GALNT18: variants seen among roughly 807,000 people sequenced by gnomAD.
GALNT18 encodes GalNAc-transferase 18.
A neutral mutation model predicts 69.5 loss-of-function variants in GALNT18; 44 were observed. The ratio of observed to expected loss-of-function variants is 0.63; its 90% confidence interval spans 0.50 to 0.81. The LOEUF is 0.81. Ranked by LOEUF, GALNT18 falls within the 40% of genes least tolerant of loss-of-function variation. The probability of loss-of-function intolerance (pLI) is 0.00; values close to 1 mark genes in which losing one functional copy is unlikely to be tolerated. For missense variants in GALNT18, 715 were observed against 810.0 expected (o/e 0.88, Z 1.42); for synonymous variants, 364 against 318.2 (o/e 1.14, Z -1.53).
chr11:11,588,023 C>T (rs771628344), intron 1 of GALNT18, among the ~76,000 whole-genome samples: 2 of 152,082 alleles, frequency 1.3e-5, no homozygotes, highest in Non-Finnish European at 2.9e-5. Flanking sequence ...AGGCTCCTAA[C>T]CCTTTCCCCA....
At chr11:11,455,226 T>G (rs1225319254) in intron 1 of GALNT18, among the ~76,000 whole-genome samples, 1 of 152,216 alleles carries the variant, frequency 6.6e-6, no homozygotes, top group Non-Finnish European at 1.5e-5. Context: ...GCTTGGGTAT[T>G]GAAATATTAA....
At position 11,538,067 on chromosome 11, in the gene GALNT18, T is replaced by C. The variant is rs1784751384; in HGVS notation, c.235+83292A>G. 6.6e-6 allele frequency among the ~76,000 whole-genome samples: 1 copy of C among 152,228 alleles called. No homozygotes were observed. Among genetic ancestry groups the C allele is most frequent in the South Asian group, 2.1e-4 (1 of 4,828 alleles). On this transcript the variant is annotated intron_variant, in intron 1 of 10. Transcript: ENST00000227756. The surrounding 1 kb of genome is among the most constrained non-coding windows in gnomAD (Gnocchi z 5.2). ...ACTGCTGAGTGTTTTACTAATCTTATTTATGTTAACTCTTATCACACCTCT... is the reference window on the plus strand; with the variant it reads ...ACTGCTGAGTGTTTTACTAATCTTACTTATGTTAACTCTTATCACACCTCT...
At chr11:11,302,872 G>A (rs886831450) in intron 9 of GALNT18, among the ~76,000 whole-genome samples, 6 of 152,178 alleles carry the variant, frequency 3.9e-5, no homozygotes, top group Admixed American at 6.5e-5. Flanking sequence ...AACACACCTG[G>A]CCCATCAGCA....
In GALNT18 at chr11:11,582,781, T is replaced by G. The variant is rs775337552; in HGVS notation, c.235+38578A>C. ...TTATTCTTCCTACAATTAATAATCA[T>G]TACAGGGCTTTAGGAAGTAAGCATT... On this transcript the variant is annotated intron_variant, in intron 1 of 10. Transcript: ENST00000227756. The surrounding 1 kb of genome is among the most constrained non-coding windows in gnomAD (Gnocchi z 5.0). Among the ~76,000 whole-genome samples the G allele has an allele frequency of 3.9e-5, 6 of 152,184 alleles. No individual in the cohort carries two copies. The highest frequency in any genetic ancestry group is 8.8e-5 in the Non-Finnish European group (6 of 68,038).
chr11:11,508,556 T>C lies in GALNT18; in HGVS notation c.236-59620A>G, dbSNP rs150660497. The stretch of plus-strand genomic sequence containing the variant: ...ATGTGTGGGTGTTACTCCAAGGCCA[T>C]GTGAATATCTGCTTCCCCAAATTGT... On this transcript the variant is annotated intron_variant, in intron 1 of 10. Coordinates refer to ENST00000227756, the MANE Select transcript of GALNT18 (RefSeq NM_198516.3). Among the ~76,000 whole-genome samples the C allele has an allele frequency of 1.3e-3, 204 of 152,368 alleles. 2 individuals are homozygous for C. The highest frequency in any genetic ancestry group is 4.0e-3 in the African/African-American group (168 of 41,586).
intron 1 of GALNT18, among the ~76,000 whole-genome samples, chr11:11,486,618 T>C (rs1856650860): frequency 6.6e-6 from 1 of 152,204 alleles, no homozygotes; most frequent in Admixed American, 6.5e-5. Flanking sequence ...CATTTAACAC[T>C]CAATAAATCT....
chr11:11,385,826 T>C (rs1228200776), intron 3 of GALNT18, among the ~76,000 whole-genome samples: 1 of 152,080 alleles, frequency 6.6e-6, no homozygotes, highest in Non-Finnish European at 1.5e-5. Flanking sequence ...TATTTGGAAA[T>C]AGGGTCATTG....
intron 1 of GALNT18, among the ~76,000 whole-genome samples, chr11:11,477,676 C>G (rs1856432893): frequency 6.6e-6 from 1 of 152,116 alleles, no homozygotes; most frequent in Admixed American, 6.5e-5. Flanking sequence ...AGCACTGGAC[C>G]CTCTTAAGAC....
At chr11:11,458,362 T>C (rs985688065) in intron 1 of GALNT18, among the ~76,000 whole-genome samples, 2 of 152,254 alleles carry the variant, frequency 1.3e-5, no homozygotes, top group African/African-American at 4.8e-5. Flanking sequence ...TTATATACCA[T>C]AAAATTCACC....
intron 9 of GALNT18, among the ~76,000 whole-genome samples, chr11:11,308,227 C>T (rs963100275): frequency 2.0e-5 from 3 of 152,138 alleles, no homozygotes; most frequent in African/African-American, 7.2e-5. Flanking sequence ...GCCGTGTAAG[C>T]GATGGTGGAA....
intron 5 of GALNT18, among the ~76,000 whole-genome samples, chr11:11,376,494 G>T (rs1853764911): frequency 6.6e-6 from 1 of 152,220 alleles, no homozygotes. Flanking sequence ...AGTCTAGGAA[G>T]ATGGCAGCAA....
rs1410628478 is a variant in GALNT18 at position 11,564,122 on chromosome 11, T to A, written c.235+57237A>T. On this transcript the variant is annotated intron_variant, in intron 1 of 10. Transcript: ENST00000227756. This position sits in a 1 kb window ranked among gnomAD's most constrained non-coding sequence, Gnocchi z 4.3. ...ACTGATCTTAACCCCATTTTACAGT[T>A]GAAGGAACTTGAGCATAGAGAGGTA... 6.6e-6 allele frequency among the ~76,000 whole-genome samples: 1 copy of A among 152,162 alleles called. No individual in the cohort carries two copies. Among genetic ancestry groups the A allele is most frequent in the Non-Finnish European group, 1.5e-5 (1 of 68,044 alleles).
In GALNT18 at chr11:11,595,607, G is replaced by A. The variant is rs186069168; in HGVS notation, c.235+25752C>T. Among the ~76,000 whole-genome samples, 47 of 152,274 alleles carry A rather than the reference G, an allele frequency of 3.1e-4. No homozygotes were observed. The highest frequency in any genetic ancestry group is 5.6e-4 in the Non-Finnish European group (38 of 68,020). On this transcript the variant is annotated intron_variant, in intron 1 of 10. Transcript: ENST00000227756. This position sits in a 1 kb window ranked among gnomAD's most constrained non-coding sequence, Gnocchi z 5.2. ...GGGTGTGAAGCCATATCTCATTGTGGTTTTGATTTACATTTCCCAAATGGC... is the reference window on the plus strand; with the variant it reads ...GGGTGTGAAGCCATATCTCATTGTGATTTTGATTTACATTTCCCAAATGGC...
rs1003929880 is a variant in GALNT18, at chr11:11,314,438, G to A, written c.1512+12648C>T. ...AGCAGCCCAGAGTTCACCATCACTTGGTGCACAGAAGGTTAACACTGCAGC... is the reference window on the plus strand; with the variant it reads ...AGCAGCCCAGAGTTCACCATCACTTAGTGCACAGAAGGTTAACACTGCAGC... On this transcript the variant is annotated intron_variant, in intron 9 of 10. Transcript: ENST00000227756. The surrounding 1 kb of genome is among the most constrained non-coding windows in gnomAD (Gnocchi z 5.2). Among the ~76,000 whole-genome samples the A allele has an allele frequency of 6.6e-6, 1 of 151,778 alleles. No individual in the cohort carries two copies. Among genetic ancestry groups the A allele is most frequent in the Admixed American group, 6.6e-5 (1 of 15,240 alleles).
In GALNT18 at chr11:11,404,343, T is replaced by C. The variant is rs1854538003; in HGVS notation, c.596-25079A>G. 6.6e-6 allele frequency among the ~76,000 whole-genome samples: 1 copy of C among 152,180 alleles called. No individual in the cohort carries two copies. Among genetic ancestry groups the C allele is most frequent in the African/African-American group, 2.4e-5 (1 of 41,436 alleles). ...GGGTAAGACAAGCGGGTATATTAGT[T>C]GGATTCAACTTCGGCTGCTTTTATT... On this transcript the variant is annotated intron_variant, in intron 3 of 10. Coordinates refer to ENST00000227756, the MANE Select transcript of GALNT18 (RefSeq NM_198516.3). This position sits in a 1 kb window ranked among gnomAD's most constrained non-coding sequence, Gnocchi z 4.5.
Position 11,292,269 on chromosome 11 carries a change from ACCTT to A in GALNT18, c.1677+756_1677+759del, listed in dbSNP as rs140625256. Reference sequence around the variant, plus strand: ...CTATCTGTGGCTGAAAATGGATCCTACCTTAGCAGATTCCCTGGTGACTAGGAGA... The same window carrying A: ...CTATCTGTGGCTGAAAATGGATCCTAAGCAGATTCCCTGGTGACTAGGAGA... On this transcript the variant is annotated intron_variant, in intron 10 of 10. Coordinates refer to ENST00000227756, the MANE Select transcript of GALNT18 (RefSeq NM_198516.3). 2.9e-3 allele frequency among the ~76,000 whole-genome samples: 449 copies of A among 152,234 alleles called. 1 individual carries two copies. Among genetic ancestry groups the A allele is most frequent in the African/African-American group, 0.01 (429 of 41,522 alleles).
chr11:11,614,716 T>G lies in GALNT18; in HGVS notation c.235+6643A>C, dbSNP rs1386240207. ...AAAACATAGGCCAGCCTAACCCAAG[T>G]GACTAAAGCTGAACTTCAAGGCCCT... On this transcript the variant is annotated intron_variant, in intron 1 of 10. Coordinates refer to ENST00000227756, the MANE Select transcript of GALNT18 (RefSeq NM_198516.3). The surrounding 1 kb of genome is among the most constrained non-coding windows in gnomAD (Gnocchi z 5.6). Among the ~76,000 whole-genome samples the G allele has an allele frequency of 6.6e-6, 1 of 152,220 alleles. No individual in the cohort carries two copies. Among genetic ancestry groups the G allele is most frequent in the Non-Finnish European group, 1.5e-5 (1 of 68,042 alleles).
intron 3 of GALNT18, among the ~76,000 whole-genome samples, chr11:11,393,433 TTTGTTTGC>T (rs1267722967): frequency 6.6e-6 from 1 of 152,254 alleles, no homozygotes; most frequent in Non-Finnish European, 1.5e-5. Flanking sequence ...TGTTTGTTTG[TTTGTTTGC>T]TTTTAAGCAC....
intron 1 of GALNT18, among the ~76,000 whole-genome samples, chr11:11,453,540 C>T (rs1590017397): frequency 6.6e-6 from 1 of 152,282 alleles, no homozygotes; most frequent in African/African-American, 2.4e-5. Context: ...CATATATAGT[C>T]TCTGATATGG....
Sources: gnomAD v4.1 joint callset for allele counts (sites outside exome capture counted in the v4.1 genomes callset) on GRCh38, gnomAD v4.1.1 for gene constraint, Gnocchi (gnomAD v3.1) non-coding constraint, MANE v1.5 for transcripts, NCBI Gene and HGNC (gene_info 2026-07-23, HGNC 2026-07-21) for gene names.